HMGN5: variants seen among roughly 807,000 people sequenced by gnomAD.
HMGN5 encodes the protein high mobility group nucleosome binding domain 5.
Under a neutral mutation model 9.5 loss-of-function variants are expected in HMGN5, and 4 were observed. The ratio of observed to expected loss-of-function variants is 0.42; its 90% CI spans 0.21 to 0.96. The LOEUF is 0.96. HMGN5 is among the 40% of genes least tolerant of loss of function. HMGN5 has a pLI of 0.30. For missense variants in HMGN5, 192 were observed against 187.5 expected (o/e 1.02, Z -0.14); for synonymous variants, 55 against 57.1 (o/e 0.96, Z 0.16).
intron 1 of HMGN5, among the ~76,000 whole-genome samples, chrX:81,193,050 T>C (rs778992814): frequency 8.9e-6 from 1 of 111,974 alleles, no homozygotes; most frequent in Non-Finnish European, 1.9e-5. Flanking sequence ...CTATCTTTTT[T>C]CAAAGACATA....
chrX:81,190,063 C>T (rs2075489638), intron 1 of HMGN5, among the ~76,000 whole-genome samples: 1 of 111,174 alleles, frequency 9.0e-6, no homozygotes, highest in Non-Finnish European at 1.9e-5. Context: ...GATCTTTGGC[C>T]CATTTTTATT....
chrX:81,190,258 G>A (rs962182653), intron 1 of HMGN5, among the ~76,000 whole-genome samples: 14 of 111,643 alleles, frequency 1.3e-4, no homozygotes, highest in Non-Finnish European at 2.1e-4. Flanking sequence ...TCTCTTGACA[G>A]TGTCTTCTGC....
intron 1 of HMGN5, among the ~76,000 whole-genome samples, chrX:81,171,136 GTGTAC>G (rs746350204): frequency 2.2e-4 from 25 of 111,345 alleles, no homozygotes; most frequent in Admixed American, 5.7e-4. Context: ...CATCTTATTT[GTGTAC>G]TGTTAGTTCC....
chrX:81,193,577 C>G (rs1329958139), intron 1 of HMGN5, among the ~76,000 whole-genome samples: 2 of 110,458 alleles, frequency 1.8e-5, no homozygotes, highest in Non-Finnish European at 3.8e-5. Flanking sequence ...GTTTGTTACA[C>G]AACAATGGTG....
intron 1 of HMGN5, among the ~76,000 whole-genome samples, chrX:81,200,420 T>G (rs2075522452): frequency 8.9e-6 from 1 of 112,251 alleles, no homozygotes; most frequent in Admixed American, 9.4e-5. Flanking sequence ...GTATGTTTAT[T>G]GCAGCACTAT....
chrX:81,130,080 T>A (rs1376988756), intron 1 of HMGN5, among the ~76,000 whole-genome samples: 1 of 111,275 alleles, frequency 9.0e-6, no homozygotes, highest in Non-Finnish European at 1.9e-5. Flanking sequence ...TATTTCCTTG[T>A]ATAGGGAAGA....
intron 1 of HMGN5, among the ~76,000 whole-genome samples, chrX:81,147,775 T>C (rs778708442): frequency 3.1e-4 from 35 of 112,233 alleles, no homozygotes; most frequent in African/African-American, 9.7e-4. Context: ...ATAAGCAACT[T>C]CAGCAAAGTC....
intron 1 of HMGN5, among the ~76,000 whole-genome samples, chrX:81,171,006 T>C (rs1216928642): frequency 9.0e-6 from 1 of 111,502 alleles, no homozygotes; most frequent in Non-Finnish European, 1.9e-5. Flanking sequence ...TCTATTATAA[T>C]ATGCTGCCTT....
At chrX:81,142,892 C>G (rs745640114) in intron 1 of HMGN5, among the ~76,000 whole-genome samples, 1 of 110,882 alleles carries the variant, frequency 9.0e-6, no homozygotes, top group South Asian at 3.8e-4. Flanking sequence ...AATGATGAAT[C>G]AATAAAAAAT....
At position 81,131,536 on chromosome X, in the gene HMGN5, G is replaced by T. The variant is rs185727171; in HGVS notation, c.-123-9864C>A. Among the ~76,000 whole-genome samples, 362 of 111,418 alleles carry T rather than the reference G, an allele frequency of 3.2e-3. 2 individuals are homozygous for T. The highest frequency in any genetic ancestry group is 0.011 in the African/African-American group (345 of 30,687). The stretch of plus-strand genomic sequence containing the variant: ...AACAAGGGCAGATATGAATCATTCA[G>T]CTGATCTGTGGAATAATTTAGCCTC... On this transcript the variant is annotated intron_variant, in intron 1 of 6. Coordinates refer to ENST00000358130, the MANE Select transcript of HMGN5 (RefSeq NM_030763.3).
chrX:81,159,407 T>TA (rs1489988239), intron 1 of HMGN5, among the ~76,000 whole-genome samples: 3 of 111,009 alleles, frequency 2.7e-5, no homozygotes, highest in African/African-American at 6.6e-5. Context: ...AATAAAAATT[T>TA]AAAAAAAGAA....
At chrX:81,181,154 A>T (rs913461537) in intron 1 of HMGN5, among the ~76,000 whole-genome samples, 1 of 111,273 alleles carries the variant, frequency 9.0e-6, no homozygotes, top group Non-Finnish European at 1.9e-5. Context: ...TATGTATCAA[A>T]CCTGCACATT....
intron 1 of HMGN5, among the ~76,000 whole-genome samples, chrX:81,123,974 A>G (rs2075275964): frequency 8.9e-6 from 1 of 111,906 alleles, no homozygotes; most frequent in Admixed American, 9.5e-5. Context: ...TGTTCAGGGA[A>G]CATAGTGCCT....
At position 81,134,183 on chromosome X, in the gene HMGN5, A is replaced by G. The variant is rs750921428; in HGVS notation, c.-123-12511T>C. On this transcript the variant is annotated intron_variant, in intron 1 of 6. Transcript: ENST00000358130. ...GCTGACTACTGAATTTTGGTCTGTT[A>G]GAAATCATGCTATGTACTGTACTGC... is the stretch of plus-strand genomic sequence containing the variant. 7.2e-5 allele frequency among the ~76,000 whole-genome samples: 8 copies of G among 111,490 alleles called. No homozygotes were observed. In the South Asian group the frequency reaches 3.0e-3, roughly 41 times the overall value.
intron 5 of HMGN5, among the ~76,000 whole-genome samples, chrX:81,117,259 C>T (rs757299246): frequency 6.4e-5 from 5 of 78,411 alleles, no homozygotes; most frequent in East Asian, 8.3e-4. Context: ...CTTTTTTTTC[C>T]GTTTTTTTTT....
At chrX:81,149,208 G>C (rs2075354028) in intron 1 of HMGN5, among the ~76,000 whole-genome samples, 1 of 111,646 alleles carries the variant, frequency 9.0e-6, no homozygotes, top group Non-Finnish European at 1.9e-5. Flanking sequence ...GTTGTCAATA[G>C]CAAAGACTTG....
intron 1 of HMGN5, among the ~76,000 whole-genome samples, chrX:81,161,770 T>C (rs1243827993): frequency 9.0e-6 from 1 of 110,941 alleles, no homozygotes; most frequent in Non-Finnish European, 1.9e-5. Context: ...TGTGGTAACA[T>C]GAAAAATAGG....
At chrX:81,181,619 G>C (rs1309569182) in intron 1 of HMGN5, among the ~76,000 whole-genome samples, 1 of 111,503 alleles carries the variant, frequency 9.0e-6, no homozygotes, top group Admixed American at 9.5e-5. Flanking sequence ...CCAGCATCTG[G>C]TAACCATCAT....
intron 1 of HMGN5, among the ~76,000 whole-genome samples, chrX:81,125,944 T>C (rs745823195): frequency 9.1e-6 from 1 of 110,232 alleles, no homozygotes; most frequent in East Asian, 2.9e-4. Context: ...GGTGAAGAGT[T>C]CGAGATCAAC....
Sources: gnomAD v4.1 joint callset for allele counts (sites outside exome capture counted in the v4.1 genomes callset) on GRCh38, gnomAD v4.1.1 for gene constraint, MANE v1.5 for transcripts, NCBI Gene and HGNC (gene_info 2026-07-23, HGNC 2026-07-21) for gene names.